NPFFR2: variants seen among roughly 807,000 people sequenced by gnomAD.
NPFFR2 encodes G-protein coupled receptor 74.
A neutral mutation model predicts 13.1 loss-of-function variants in NPFFR2; 15 were observed. The ratio of observed to expected loss-of-function variants is 1.15; its 90% CI spans 0.77 to 1.76. The LOEUF is 1.76. Among genes scored for constraint, NPFFR2 ranks in the 40% most tolerant of loss-of-function variants. NPFFR2 has a pLI of 0.00. For missense variants in NPFFR2, 572 were observed against 503.5 expected, an observed-to-expected ratio of 1.14 and a Z score of -1.30; for synonymous variants, 190 against 175.7, an observed-to-expected ratio of 1.08 and a Z score of -0.65.
At chr4:72,133,705 C>T (rs1722321719) in intron 2 of NPFFR2, among the ~76,000 whole-genome samples, 1 of 151,966 alleles carries the variant, frequency 6.6e-6, no homozygotes, top group Admixed American at 6.6e-5. Flanking sequence ...TGTAGTTCTC[C>T]TTGTAGAAAT....
chr4:72,129,943 ACT>A (rs1722182002), intron 2 of NPFFR2, among the ~76,000 whole-genome samples: 1 of 98,636 alleles, frequency 1.0e-5, no homozygotes, highest in South Asian at 3.8e-4. Flanking sequence ...AGTGGTGATG[ACT>A]CTTAAGGAGC....
chr4:72,035,503 C>CG (rs200003793), intron 1 of NPFFR2, among the ~76,000 whole-genome samples: 19 of 152,098 alleles, frequency 1.2e-4, no homozygotes, highest in Middle Eastern at 6.8e-3. Flanking sequence ...TTTAGCCCCC[C>CG]CTAAAAAAGT....
At chr4:72,062,382 A>C (rs1011387367) in intron 1 of NPFFR2, among the ~76,000 whole-genome samples, 4 of 152,198 alleles carry the variant, frequency 2.6e-5, no homozygotes, top group African/African-American at 9.6e-5. Context: ...ATAACTATAA[A>C]GTAATAAAAC....
intron 1 of NPFFR2, among the ~76,000 whole-genome samples, chr4:72,093,372 A>G (rs1179389764): frequency 6.6e-6 from 1 of 152,200 alleles, no homozygotes; most frequent in Non-Finnish European, 1.5e-5. Flanking sequence ...TTGGATGTCT[A>G]GATCTCTAGC....
At chr4:72,120,399 G>A (rs1255014239) in intron 1 of NPFFR2, among the ~76,000 whole-genome samples, 1 of 152,178 alleles carries the variant, frequency 6.6e-6, no homozygotes, top group East Asian at 1.9e-4. Context: ...CAGTGCTCCA[G>A]CTCTGCTAAG....
At chr4:72,051,443 C>G (rs945758762) in intron 1 of NPFFR2, among the ~76,000 whole-genome samples, 1 of 151,318 alleles carries the variant, frequency 6.6e-6, no homozygotes, top group African/African-American at 2.4e-5. Flanking sequence ...TCTTTGAAAC[C>G]AATGAGAGCA....
intron 1 of NPFFR2, among the ~76,000 whole-genome samples, chr4:72,100,937 CT>C (rs1721228279): frequency 6.6e-6 from 1 of 151,912 alleles, no homozygotes; most frequent in East Asian, 1.9e-4. Flanking sequence ...AAGTATCTTT[CT>C]ATGCATTTTC....
intron 1 of NPFFR2, among the ~76,000 whole-genome samples, chr4:72,087,335 A>T (rs920807016): frequency 4.6e-5 from 7 of 152,246 alleles, no homozygotes; most frequent in African/African-American, 1.4e-4. Flanking sequence ...CTGGGAAGAA[A>T]ATCCAAACAC....
At chr4:72,141,534 G>C (rs1004872963) in intron 3 of NPFFR2, among the ~76,000 whole-genome samples, 1 of 152,166 alleles carries the variant, frequency 6.6e-6, no homozygotes, top group Non-Finnish European at 1.5e-5. Context: ...AGTCATTCAG[G>C]AGCAGGTTGT....
At chr4:72,097,970 C>G (rs28638345) in intron 1 of NPFFR2, among the ~76,000 whole-genome samples, 1,223 of 15,642 alleles carry the variant, frequency 0.078, 8 homozygotes, top group Non-Finnish European at 0.38. Flanking sequence ...TCTTCCTACA[C>G]CACAAATTTT....
At chr4:72,127,041 G>A (rs1390339774) in intron 1 of NPFFR2, among the ~76,000 whole-genome samples, 5 of 151,886 alleles carry the variant, frequency 3.3e-5, no homozygotes, top group East Asian at 2.0e-4. Flanking sequence ...GGTGGCTCAC[G>A]CCTGTAATCC....
At chr4:72,134,875 A>C (rs1168248285) in intron 2 of NPFFR2, among the ~76,000 whole-genome samples, 1 of 151,034 alleles carries the variant, frequency 6.6e-6, no homozygotes, top group Non-Finnish European at 1.5e-5. Context: ...AACTCTCTTC[A>C]CCTCTCTTTG....
Position 72,147,135 on chromosome 4 carries a change from T to C in NPFFR2, c.586T>C (p.Ser196Pro), listed in dbSNP as rs1578487816. 6.2e-7 allele frequency: 1 copy of C among 1,614,100 alleles called. No homozygotes were observed. Among genetic ancestry groups the C allele is most frequent in the East Asian group, 2.2e-5 (1 of 44,866 alleles). ...AAAATATTACCGAGTGAGACTCAAC[T>C]CCCAGAATAAAACCAGTCCAGTCTA... ...EEKYYRVRLN[S>P]QNKTSPVYWC... is the part of the protein sequence containing the mutation. Residue 196 changes from serine to proline, a missense_variant, in exon 4 of 4, where the codon TCC (serine) becomes CCC (proline). Ser to Pro is a moderately conservative substitution (Grantham distance 74). Coordinates refer to ENST00000308744, the MANE Select transcript of NPFFR2 (RefSeq NM_004885.3).
chr4:72,044,844 G>A (rs1719331631), intron 1 of NPFFR2, among the ~76,000 whole-genome samples: 1 of 152,048 alleles, frequency 6.6e-6, no homozygotes, highest in Non-Finnish European at 1.5e-5. Flanking sequence ...CCATTCAGCA[G>A]AGTCTCTATA....
intron 1 of NPFFR2, among the ~76,000 whole-genome samples, chr4:72,090,692 T>C (rs1249136468): frequency 6.6e-6 from 1 of 152,200 alleles, no homozygotes; most frequent in African/African-American, 2.4e-5. Context: ...TCTGAAACTT[T>C]ACTGAATTCA....
intron 1 of NPFFR2, among the ~76,000 whole-genome samples, chr4:72,033,728 T>G (rs1718981239): frequency 6.6e-6 from 1 of 152,232 alleles, no homozygotes; most frequent in Non-Finnish European, 1.5e-5. Context: ...AGAAATTCAT[T>G]GTTTTATTTG....
chr4:72,122,811 A>G (rs1560417809), intron 1 of NPFFR2, among the ~76,000 whole-genome samples: 1 of 152,208 alleles, frequency 6.6e-6, no homozygotes, highest in African/African-American at 2.4e-5. Context: ...GAAAGATCTA[A>G]AATTGACACC....
chr4:72,036,625 G>GTATATATACATTTAAATATAT (rs1553887093), intron 1 of NPFFR2, among the ~76,000 whole-genome samples: 2 of 122,196 alleles, frequency 1.6e-5, no homozygotes, highest in African/African-American at 8.5e-5. Context: ...GTATATATAT[G>GTATATATACATTTAAATATAT]AGATTCTGAG....
At chr4:72,067,775 G>A (rs949333388) in intron 1 of NPFFR2, among the ~76,000 whole-genome samples, 61 of 152,246 alleles carry the variant, frequency 4.0e-4, no homozygotes, top group African/African-American at 1.5e-3. Flanking sequence ...CATAGACACT[G>A]TTCAGACAAA....
Sources: gnomAD v4.1 joint callset for allele counts (sites outside exome capture counted in the v4.1 genomes callset) on GRCh38, gnomAD v4.1.1 for gene constraint, MANE v1.5 for transcripts, NCBI Gene and HGNC (gene_info 2026-07-23, HGNC 2026-07-21) for gene names.